IL2RB: variants seen among roughly 807,000 people sequenced by gnomAD.
The protein encoded by IL2RB is interleukin-2 receptor subunit beta.
Under a neutral mutation model 44.2 loss-of-function variants are expected in IL2RB, and 17 were observed. The observed-to-expected ratio is 0.38, with a 90% CI of 0.26 to 0.58. IL2RB has a LOEUF of 0.58. Ranked by LOEUF, IL2RB falls within the 20% of genes least tolerant of loss-of-function variation. The pLI, the probability that IL2RB is intolerant of heterozygous loss-of-function variation, is 0.63. For synonymous variants in IL2RB, 286 were observed against 297.9 expected (o/e 0.96, Z 0.41); for missense variants, 624 against 685.5 (o/e 0.91, Z 1.00).
At chr22:37,163,677 C>A (rs1007160058) in intron 1 of IL2RB, among the ~76,000 whole-genome samples, 4 of 138,928 alleles carry the variant, frequency 2.9e-5, no homozygotes, top group Non-Finnish European at 4.4e-5. Context: ...CGCCCTGAGG[C>A]CCCCCATTCG....
At chr22:37,143,990 C>G in intron 2 of IL2RB, 95 bp downstream of exon 2, 2 of 1,529,914 alleles carry the variant, frequency 1.3e-6, no homozygotes, top group South Asian at 2.4e-5. Flanking sequence ...GACACCTGGT[C>G]TCTGGCCCCA....
chr22:37,170,998 GA>G (rs1301559285), intron 1 of IL2RB, among the ~76,000 whole-genome samples: 4 of 151,766 alleles, frequency 2.6e-5, no homozygotes, highest in African/African-American at 9.7e-5. Flanking sequence ...TTTGGGTGGG[GA>G]GGGGGACAGA....
chr22:37,147,788 C>T (rs989913376), intron 1 of IL2RB, among the ~76,000 whole-genome samples: 8 of 152,230 alleles, frequency 5.3e-5, no homozygotes, highest in African/African-American at 1.9e-4. Context: ...ACCGTCTCCA[C>T]AGGAGGGTGA....
At chr22:37,166,687 C>T (rs901355537) in intron 1 of IL2RB, 2 of 152,240 alleles carry the variant, frequency 1.3e-5, no homozygotes, top group African/African-American at 4.8e-5. Flanking sequence ...CAGGTGGGCC[C>T]AGAAGTTGCC....
intron 1 of IL2RB, among the ~76,000 whole-genome samples, chr22:37,149,288 G>A (rs2146252761): frequency 6.6e-6 from 1 of 152,298 alleles, no homozygotes; most frequent in Middle Eastern, 3.4e-3. Flanking sequence ...CTCCAGCCTG[G>A]GGCTCCCAGA....
At chr22:37,144,315 G>A (rs1056698252) in intron 1 of IL2RB, 110 bp from the exon 2 acceptor site, 22 of 1,360,410 alleles carry the variant, frequency 1.6e-5, no homozygotes, top group South Asian at 7.6e-5. Flanking sequence ...TGCACTCCTC[G>A]GTGCCAGCTC....
chr22:37,136,839 T>A (rs747182371), intron 6 of IL2RB, among the ~76,000 whole-genome samples: 3 of 152,200 alleles, frequency 2.0e-5, no homozygotes, highest in Non-Finnish European at 2.9e-5. Flanking sequence ...CATAGCAGCA[T>A]CCTGCCTTTG....
intron 8 of IL2RB, among the ~76,000 whole-genome samples, chr22:37,134,062 A>G (rs1017408821): frequency 6.6e-6 from 1 of 152,124 alleles, no homozygotes; most frequent in Admixed American, 6.6e-5. Context: ...TGCTCCTGAT[A>G]CAGTCAGCAC....
chr22:37,174,671 C>T (rs544632463), intron 1 of IL2RB, among the ~76,000 whole-genome samples: 5 of 152,332 alleles, frequency 3.3e-5, no homozygotes, highest in South Asian at 2.1e-4. Context: ...CAGATTTGAA[C>T]GCTGTTCTCC....
At chr22:37,159,817 C>G (rs1411231092) in intron 1 of IL2RB, among the ~76,000 whole-genome samples, 1 of 152,154 alleles carries the variant, frequency 6.6e-6, no homozygotes, top group Non-Finnish European at 1.5e-5. Context: ...GGAGAAGGAC[C>G]CCCCACTTTG....
chr22:37,162,218 G>A (rs1398121086), intron 1 of IL2RB, among the ~76,000 whole-genome samples: 1 of 152,166 alleles, frequency 6.6e-6, no homozygotes, highest in South Asian at 2.1e-4. Flanking sequence ...AAGAGTGCCC[G>A]CCCCCACGGT....
chr22:37,130,083 CAATT>C (rs1921350478), intron 9 of IL2RB, among the ~76,000 whole-genome samples: 1 of 152,130 alleles, frequency 6.6e-6, no homozygotes, highest in South Asian at 2.1e-4. Context: ...ACACACCACT[CAATT>C]AAATCCGCCC....
intron 1 of IL2RB, among the ~76,000 whole-genome samples, chr22:37,170,334 A>G (rs972255540): frequency 6.6e-6 from 1 of 152,178 alleles, no homozygotes; most frequent in African/African-American, 2.4e-5. Flanking sequence ...AGCAGCTGAC[A>G]TCACAGAAGG....
chr22:37,133,353 C>T lies in IL2RB; in HGVS notation c.819-885G>A, dbSNP rs181342976. On this transcript the variant is annotated intron_variant, in intron 8 of 9. Transcript: ENST00000216223. ...TGTCTTCTTGGGAGGAAAGAGGAAA[C>T]GGGGCTCCGAACACTGCCGAGAACC... Among the ~76,000 whole-genome samples, 20 of 152,236 alleles carry T rather than the reference C, an allele frequency of 1.3e-4. No individual in the cohort carries two copies. In the East Asian group the frequency reaches 2.7e-3, roughly 21 times the overall value.
chr22:37,131,015 G>A (rs1397672404), intron 9 of IL2RB, among the ~76,000 whole-genome samples: 1 of 152,128 alleles, frequency 6.6e-6, no homozygotes, highest in Non-Finnish European at 1.5e-5. Flanking sequence ...AAAAGTACAA[G>A]AATTAGCCAA....
chr22:37,152,571 GTCTGT>G (rs1440198122), upstream of IL2RB, among the ~76,000 whole-genome samples: 8 of 152,000 alleles, frequency 5.3e-5, no homozygotes, highest in Non-Finnish European at 8.8e-5. Context: ...TCTTTCTCTT[GTCTGT>G]TTGTTCTAGC....
intron 1 of IL2RB, among the ~76,000 whole-genome samples, chr22:37,159,416 C>T (rs774377379): frequency 2.0e-5 from 3 of 152,134 alleles, no homozygotes; most frequent in East Asian, 1.9e-4. Context: ...GCACCAGAAG[C>T]GGCCACCCTG....
At chr22:37,134,217 A>G (rs1921575537) in intron 8 of IL2RB, among the ~76,000 whole-genome samples, 1 of 152,256 alleles carries the variant, frequency 6.6e-6, no homozygotes, top group African/African-American at 2.4e-5. Flanking sequence ...CATAGCATTT[A>G]CATGGTATTA....
upstream of IL2RB, among the ~76,000 whole-genome samples, chr22:37,152,724 G>A (rs889210269): frequency 6.6e-6 from 1 of 152,034 alleles, no homozygotes; most frequent in South Asian, 2.1e-4. Flanking sequence ...GAGAAGGGTG[G>A]CGTGGGAGCT....
Sources: gnomAD v4.1 joint callset for allele counts (sites outside exome capture counted in the v4.1 genomes callset) on GRCh38, gnomAD v4.1.1 for gene constraint, MANE v1.5 for transcripts, NCBI Gene and HGNC (gene_info 2026-07-23, HGNC 2026-07-21) for gene names.